The following KCNIP4 variants were observed in gnomAD, a reference collection of about 807,000 sequenced individuals.
The protein encoded by KCNIP4 is potassium voltage-gated channel interacting protein 4.
KCNIP4 carries 12 observed loss-of-function variants against 34.0 expected under a neutral mutation model. The observed-to-expected ratio is 0.35, with a 90% CI of 0.23 to 0.57. The LOEUF is 0.57. KCNIP4 is among the 20% of genes least tolerant of loss of function. The pLI is 0.83. For missense variants in KCNIP4, 238 were observed against 311.7 expected (o/e 0.76, Z 1.78); for synonymous variants, 124 against 102.2 (o/e 1.21, Z -1.29).
At chr4:21,481,948 T>C (rs953329735) in intron 1 of KCNIP4, among the ~76,000 whole-genome samples, 1 of 152,134 alleles carries the variant, frequency 6.6e-6, no homozygotes, top group Admixed American at 6.5e-5. Context: ...GGAGTCTAAG[T>C]CTCTTTGTAG....
intron 1 of KCNIP4, among the ~76,000 whole-genome samples, chr4:21,781,238 T>C (rs1719557336): frequency 6.6e-6 from 1 of 152,172 alleles, no homozygotes; most frequent in African/African-American, 2.4e-5. Flanking sequence ...TTTCCCCTGC[T>C]TGTACTTCTC....
Position 21,056,746 on chromosome 4 carries a change from T to C in KCNIP4, c.62-174037A>G, listed in dbSNP as rs77972540. 4.3e-3 allele frequency among the ~76,000 whole-genome samples: 648 copies of C among 152,262 alleles called. 3 individuals are homozygous for C. The highest frequency in any genetic ancestry group is 0.015 in the African/African-American group (618 of 41,560). On this transcript the variant is annotated intron_variant, in intron 1 of 8. Coordinates refer to ENST00000382152, the MANE Select transcript of KCNIP4 (RefSeq NM_025221.6). Reference sequence around the variant, plus strand: ...CCTCTGAAGGCTGTTTGTATTGATATGGTGGTATGGACTGAATGTTTGTGT... The same window carrying C: ...CCTCTGAAGGCTGTTTGTATTGATACGGTGGTATGGACTGAATGTTTGTGT...
At chr4:21,756,574 G>A (rs2109155419) in intron 1 of KCNIP4, among the ~76,000 whole-genome samples, 1 of 151,018 alleles carries the variant, frequency 6.6e-6, no homozygotes, top group South Asian at 2.1e-4. Flanking sequence ...AAAAAAGAGA[G>A]AGAGAGAGAA....
At position 20,778,257 on chromosome 4, in the gene KCNIP4, C is replaced by T. The variant is rs74718702; in HGVS notation, c.289-19367G>A. Among the ~76,000 whole-genome samples the T allele has an allele frequency of 4.1e-3, 618 of 152,268 alleles. 4 individuals are homozygous for T. Among genetic ancestry groups the T allele is most frequent in the African/African-American group, 0.014 (592 of 41,552 alleles). ...TGCCAGTTTATTAATTTACTTGTGC[C>T]TCACTTGCCTTATCTGTAAAATGGG... On this transcript the variant is annotated intron_variant, in intron 3 of 8. Coordinates refer to ENST00000382152, the MANE Select transcript of KCNIP4 (RefSeq NM_025221.6).
chr4:21,869,905 G>A (rs1445792834), intron 1 of KCNIP4, among the ~76,000 whole-genome samples: 1 of 152,148 alleles, frequency 6.6e-6, no homozygotes, highest in Non-Finnish European at 1.5e-5. Context: ...GTGTCTGAGA[G>A]ATAACCAGCC....
chr4:20,788,932 C>T (rs2149401682), intron 3 of KCNIP4, among the ~76,000 whole-genome samples: 1 of 152,254 alleles, frequency 6.6e-6, no homozygotes, highest in East Asian at 1.9e-4. Context: ...GGCTTGAGCT[C>T]ATGAGTAAAA....
At chr4:20,942,653 T>C (rs1264587419) in intron 1 of KCNIP4, among the ~76,000 whole-genome samples, 1 of 152,116 alleles carries the variant, frequency 6.6e-6, no homozygotes, top group Non-Finnish European at 1.5e-5. Flanking sequence ...ATCTCTGCTA[T>C]TTCCTTCTTT....
chr4:21,275,514 T>C (rs1762386284), intron 1 of KCNIP4, among the ~76,000 whole-genome samples: 1 of 152,206 alleles, frequency 6.6e-6, no homozygotes, highest in East Asian at 1.9e-4. Context: ...TTAACAGAGC[T>C]TCCCTTTATT....
intron 1 of KCNIP4, among the ~76,000 whole-genome samples, chr4:21,935,959 A>T (rs1262575613): frequency 2.3e-5 from 2 of 87,466 alleles, no homozygotes; most frequent in African/African-American, 9.7e-5. Context: ...AAAGAAATGA[A>T]GATTATATAT....
intron 1 of KCNIP4, among the ~76,000 whole-genome samples, chr4:21,868,864 C>A (rs185415800): frequency 6.6e-6 from 1 of 152,162 alleles, no homozygotes; most frequent in African/African-American, 2.4e-5. Context: ...ACTGATCTTT[C>A]TTTGACCACA....
intron 1 of KCNIP4, among the ~76,000 whole-genome samples, chr4:21,352,748 C>T (rs370695931): frequency 2.0e-5 from 3 of 152,196 alleles, no homozygotes; most frequent in Admixed American, 6.5e-5. Flanking sequence ...TAAACATCCC[C>T]GTCTGACAGC....
At chr4:21,455,539 G>A (rs1728851560) in intron 1 of KCNIP4, among the ~76,000 whole-genome samples, 1 of 151,088 alleles carries the variant, frequency 6.6e-6, no homozygotes, top group Non-Finnish European at 1.5e-5. Flanking sequence ...ATGACAGATA[G>A]ATAAATAGAT....
At chr4:20,770,595 A>G (rs1755783418) in intron 3 of KCNIP4, among the ~76,000 whole-genome samples, 1 of 152,158 alleles carries the variant, frequency 6.6e-6, no homozygotes, top group African/African-American at 2.4e-5. Flanking sequence ...CACAGATTCA[A>G]CTAACTGTGG....
chr4:21,928,346 G>C lies in KCNIP4; in HGVS notation c.61+20225C>G, dbSNP rs143126241. ...AAAAATGGTCTTGCATGTAAGCCATGGTGGGTTATTAACATACAAAATAGA... is the reference window on the plus strand; with the variant it reads ...AAAAATGGTCTTGCATGTAAGCCATCGTGGGTTATTAACATACAAAATAGA... On this transcript the variant is annotated intron_variant, in intron 1 of 8. Transcript: ENST00000382152. Among the ~76,000 whole-genome samples the C allele has an allele frequency of 6.8e-3, 1,034 of 152,134 alleles. 5 individuals carry two copies. The highest frequency in any genetic ancestry group is 0.011 in the Non-Finnish European group (763 of 67,982).
At chr4:21,121,912 C>A (rs1027013221) in intron 1 of KCNIP4, among the ~76,000 whole-genome samples, 2 of 152,098 alleles carry the variant, frequency 1.3e-5, no homozygotes, top group African/African-American at 4.8e-5. Flanking sequence ...AAATTGGAGG[C>A]AATGGCCATC....
At chr4:21,365,508 A>C (rs1216337201) in intron 1 of KCNIP4, among the ~76,000 whole-genome samples, 7 of 107,032 alleles carry the variant, frequency 6.5e-5, no homozygotes, top group South Asian at 2.9e-4. Flanking sequence ...TAAATAAATA[A>C]ATAAATAAAT....
intron 1 of KCNIP4, among the ~76,000 whole-genome samples, chr4:21,886,242 A>G (rs1416572344): frequency 6.6e-6 from 1 of 152,152 alleles, no homozygotes; most frequent in Non-Finnish European, 1.5e-5. Context: ...ACTGATTTAT[A>G]CAGCATAATT....
chr4:20,841,237 T>C (rs1335643679), intron 3 of KCNIP4, among the ~76,000 whole-genome samples: 1 of 152,204 alleles, frequency 6.6e-6, no homozygotes. Context: ...TCCAATCTTT[T>C]TGTTTGGGGT....
chr4:21,231,860 T>C (rs1758810345), intron 1 of KCNIP4, among the ~76,000 whole-genome samples: 1 of 152,176 alleles, frequency 6.6e-6, no homozygotes. Flanking sequence ...TTATTGTTAA[T>C]GTTCAAACCT....
Sources: allele counts gnomAD v4.1 joint callset (sites outside exome capture counted in the v4.1 genomes callset), GRCh38; gene constraint gnomAD v4.1.1; transcripts MANE v1.5; gene names NCBI Gene and HGNC (gene_info 2026-07-23, HGNC 2026-07-21).